FAT3: variants seen among roughly 807,000 people sequenced by gnomAD.
The protein encoded by FAT3 is FAT atypical cadherin 3, also known as protocadherin Fat 3.
Under a neutral mutation model 310.2 loss-of-function variants are expected in FAT3, and 95 were observed. That is an observed-to-expected ratio of 0.31 (90% CI 0.26 to 0.36). The LOEUF (loss-of-function observed/expected upper bound fraction) is 0.36. Ranked by LOEUF, FAT3 falls within the 10% of genes least tolerant of loss-of-function variation. The pLI, the probability that FAT3 is intolerant of heterozygous loss-of-function variation, is 1.00. For missense variants in FAT3, 5,408 were observed against 5,715.6 expected (o/e 0.95, Z 1.74); for synonymous variants, 2,314 against 2,192.9 (o/e 1.06, Z -1.54).
At chr11:92,439,751 A>G (rs1435505853) in intron 2 of FAT3, among the ~76,000 whole-genome samples, 1 of 152,056 alleles carries the variant, frequency 6.6e-6, no homozygotes, top group Non-Finnish European at 1.5e-5. Context: ...CCCTGTCTCT[A>G]CAAAAACTTC....
At chr11:92,655,526 C>G (rs1327772425) in intron 3 of FAT3, among the ~76,000 whole-genome samples, 1 of 152,134 alleles carries the variant, frequency 6.6e-6, no homozygotes, top group Admixed American at 6.5e-5. Flanking sequence ...GTAAAATAAG[C>G]AATAATCATT....
chr11:92,672,878 G>A (rs1163089087), intron 3 of FAT3, among the ~76,000 whole-genome samples: 2 of 152,146 alleles, frequency 1.3e-5, no homozygotes, highest in East Asian at 1.9e-4. Flanking sequence ...CTGTGAGGAG[G>A]AATTTATGAT....
intron 4 of FAT3, among the ~76,000 whole-genome samples, chr11:92,737,520 C>CGT (rs371518565): frequency 2.6e-4 from 39 of 150,498 alleles, no homozygotes; most frequent in African/African-American, 5.8e-4. Flanking sequence ...TCACTGTGTA[C>CGT]GTGTGTGTGT....
At chr11:92,863,211 A>G (rs927880184) in intron 21 of FAT3, among the ~76,000 whole-genome samples, 14 of 152,056 alleles carry the variant, frequency 9.2e-5, no homozygotes, top group African/African-American at 2.2e-4. Context: ...CCAAGTAGCT[A>G]GGACTACAGG....
intron 13 of FAT3, among the ~76,000 whole-genome samples, chr11:92,813,498 C>A (rs1360951270): frequency 1.3e-5 from 2 of 152,172 alleles, no homozygotes; most frequent in African/African-American, 4.8e-5. Flanking sequence ...ACCTGTGCAG[C>A]TTCATTTAAG....
In FAT3 at chr11:92,224,900, A is replaced by G. The variant is rs553306742; in HGVS notation, c.-292A>G. On this transcript the variant is annotated 5_prime_UTR_variant, in exon 1 of 28. Transcript: ENST00000525166. ...GGCTGCGCTGTGAACTGGCCTGCGG[A>G]TTGGGATCTCGCGCCTCCCGTCCCT... Among the ~76,000 whole-genome samples, 1 of 151,788 alleles carries G rather than the reference A, an allele frequency of 6.6e-6. No individual in the cohort carries two copies. Among genetic ancestry groups the G allele is most frequent in the African/African-American group, 2.4e-5 (1 of 41,358 alleles).
Position 92,667,244 on chromosome 11 carries a change from T to C in FAT3, c.3608-30140T>C, listed in dbSNP as rs1430665705. Among the ~76,000 whole-genome samples the C allele has an allele frequency of 2.0e-5, 3 of 152,204 alleles. No individual in the cohort carries two copies. In the East Asian group the frequency reaches 5.8e-4, roughly 29 times the overall value. ...AACTGTCCACCATTTAAAACATTTT[T>C]ATAAGCTAGTGAGACGTGGCAGCAT... On this transcript the variant is annotated intron_variant, in intron 3 of 27. Transcript: ENST00000525166.
At chr11:92,366,637 A>T in intron 2 of FAT3, 1 of 534,304 alleles carries the variant, frequency 1.9e-6, no homozygotes, top group South Asian at 1.4e-5. Flanking sequence ...GTTCAGCTCC[A>T]TGATAGCCTC....
intron 1 of FAT3, among the ~76,000 whole-genome samples, chr11:92,230,134 T>C (rs1363507199): frequency 6.6e-6 from 1 of 152,212 alleles, no homozygotes; most frequent in African/African-American, 2.4e-5. Flanking sequence ...AACTGTGAAT[T>C]ATAGACTCTT....
At chr11:92,679,506 A>G (rs1182893443) in intron 3 of FAT3, among the ~76,000 whole-genome samples, 1 of 151,960 alleles carries the variant, frequency 6.6e-6, no homozygotes. Flanking sequence ...AACTGAGGTA[A>G]GATAATATCT....
intron 2 of FAT3, among the ~76,000 whole-genome samples, chr11:92,476,949 G>T (rs777700431): frequency 2.6e-5 from 4 of 152,178 alleles, no homozygotes; most frequent in Non-Finnish European, 4.4e-5. Flanking sequence ...TTTGATTTGT[G>T]TAGACAGTTG....
At chr11:92,748,700 A>G (rs991278362) in intron 4 of FAT3, 4 of 152,188 alleles carry the variant, frequency 2.6e-5, no homozygotes, top group African/African-American at 7.2e-5. Context: ...TGGAACACCT[A>G]TCCATCTCTG....
intron 3 of FAT3, among the ~76,000 whole-genome samples, chr11:92,624,744 C>CAA (rs903711414): frequency 1.3e-4 from 20 of 152,238 alleles, no homozygotes; most frequent in African/African-American, 4.1e-4. Context: ...GGGGCTGCTA[C>CAA]AAAAAGCACC....
chr11:92,860,267 T>C (rs969390352), intron 21 of FAT3, among the ~76,000 whole-genome samples: 4 of 152,206 alleles, frequency 2.6e-5, no homozygotes, highest in African/African-American at 9.6e-5. Flanking sequence ...AGGAGGACAG[T>C]GGTTCAGAGA....
At chr11:92,785,902 C>T (rs1032301281) in intron 7 of FAT3, among the ~76,000 whole-genome samples, 1 of 152,102 alleles carries the variant, frequency 6.6e-6, no homozygotes, top group Non-Finnish European at 1.5e-5. Context: ...AAAAGAGAGC[C>T]TAGCCTTTCC....
At chr11:92,718,514 A>C (rs1211037930) in intron 4 of FAT3, among the ~76,000 whole-genome samples, 2 of 152,150 alleles carry the variant, frequency 1.3e-5, no homozygotes. Context: ...TTGTGATGGG[A>C]CAGAAGGCTG....
At chr11:92,738,891 C>G (rs1004043465) in intron 4 of FAT3, among the ~76,000 whole-genome samples, 4 of 152,056 alleles carry the variant, frequency 2.6e-5, no homozygotes, top group Non-Finnish European at 5.9e-5. Flanking sequence ...TTGGGAAAAT[C>G]AAATGTGTTC....
intron 2 of FAT3, among the ~76,000 whole-genome samples, chr11:92,510,288 A>G (rs1003341577): frequency 1.3e-5 from 2 of 152,020 alleles, no homozygotes; most frequent in African/African-American, 2.4e-5. Flanking sequence ...TGTTTTTTCC[A>G]TTGCTCTAGG....
chr11:92,626,376 CA>C (rs1455207285), intron 3 of FAT3, among the ~76,000 whole-genome samples: 4 of 151,586 alleles, frequency 2.6e-5, no homozygotes, highest in Non-Finnish European at 4.4e-5. Flanking sequence ...GAGAGAGATC[CA>C]AAAAATAATT....
Sources: gnomAD v4.1 joint callset for allele counts (sites outside exome capture counted in the v4.1 genomes callset) on GRCh38, gnomAD v4.1.1 for gene constraint, MANE v1.5 for transcripts, NCBI Gene and HGNC (gene_info 2026-07-23, HGNC 2026-07-21) for gene names.